Variants in KCNIP4 observed in about 807,000 individuals in gnomAD.
KCNIP4 encodes potassium voltage-gated channel interacting protein 4.
A neutral mutation model predicts 34.0 loss-of-function variants in KCNIP4; 12 were observed. The observed-to-expected ratio is 0.35, with a 90% CI of 0.23 to 0.57. The LOEUF is 0.57. Ranked by LOEUF, KCNIP4 falls within the 20% of genes least tolerant of loss-of-function variation. KCNIP4 has a pLI of 0.83. For synonymous variants in KCNIP4, 124 were observed against 102.2 expected (o/e 1.21, Z -1.29); for missense variants, 238 against 311.7 (o/e 0.76, Z 1.78).
chr4:21,304,087 C>CAGAGAGAG, intron 1 of KCNIP4: 2 of 124,722 alleles, frequency 1.6e-5, no homozygotes, highest in African/African-American at 9.4e-5. Context: ...GAGAGAGAGA[C>CAGAGAGAG]AGAGAGAGAG....
intron 1 of KCNIP4, among the ~76,000 whole-genome samples, chr4:21,669,474 T>C (rs1749296223): frequency 6.6e-6 from 1 of 152,226 alleles, no homozygotes; most frequent in Non-Finnish European, 1.5e-5. Context: ...ATGTAACATA[T>C]AAAATACATG....
Position 20,882,648 on chromosome 4 carries a change from C to T in KCNIP4, c.123G>A (p.Leu41=). Residue 41 remains leucine, a synonymous_variant, in exon 2 of 9, where the codon TTG becomes TTA. Coordinates refer to ENST00000382152, the MANE Select transcript of KCNIP4 (RefSeq NM_025221.6). ...RSIKERLMKL[L]PCSAAKTSSP... Reference sequence around the variant, plus strand: ...ACGACGTTTTGGCAGCTGAGCAGGGCAAGAGCTTCATGAGCCGCTCTTTAA... The same window carrying T: ...ACGACGTTTTGGCAGCTGAGCAGGGTAAGAGCTTCATGAGCCGCTCTTTAA... 6.2e-7 allele frequency: 1 copy of T among 1,613,238 alleles called. No homozygotes were observed. Among genetic ancestry groups the T allele is most frequent in the African/African-American group, 1.3e-5 (1 of 74,840 alleles).
At chr4:21,862,949 A>T (rs1725174581) in intron 1 of KCNIP4, among the ~76,000 whole-genome samples, 1 of 135,134 alleles carries the variant, frequency 7.4e-6, no homozygotes, top group South Asian at 2.8e-4. Flanking sequence ...TGACCGAGTG[A>T]GACTCCGTCT....
intron 1 of KCNIP4, chr4:21,849,812 A>C (rs1039388650): frequency 6.6e-6 from 1 of 152,090 alleles, no homozygotes; most frequent in African/African-American, 2.4e-5. Context: ...TACTAAATTA[A>C]TTACATATTA....
In KCNIP4 at chr4:21,012,999, A is replaced by G. The variant is rs1739195186; in HGVS notation, c.62-130290T>C. Among the ~76,000 whole-genome samples the G allele has an allele frequency of 2.6e-5, 4 of 152,228 alleles. No individual in the cohort carries two copies. The South Asian group carries it at 8.3e-4, about 32-fold the overall frequency. ...ATTTGGGGGTGGAATATTATGGCCA[A>G]AGGCAATGAGCACAGAGGAAACTTC... On this transcript the variant is annotated intron_variant, in intron 1 of 8. Coordinates refer to ENST00000382152, the MANE Select transcript of KCNIP4 (RefSeq NM_025221.6).
chr4:21,845,985 T>C (rs1723990721), intron 1 of KCNIP4: 1 of 152,146 alleles, frequency 6.6e-6, no homozygotes, highest in South Asian at 2.1e-4. Flanking sequence ...TTTTTTTGTC[T>C]GTTTTGTTTT....
intron 1 of KCNIP4, among the ~76,000 whole-genome samples, chr4:21,074,122 G>C (rs955763875): frequency 6.6e-6 from 1 of 152,098 alleles, no homozygotes; most frequent in Non-Finnish European, 1.5e-5. Context: ...TCTTTGCCAG[G>C]CTTTGGTATC....
At chr4:21,294,656 A>G (rs1217546639) in intron 1 of KCNIP4, among the ~76,000 whole-genome samples, 1 of 152,206 alleles carries the variant, frequency 6.6e-6, no homozygotes, top group African/African-American at 2.4e-5. Flanking sequence ...TCTATTATAG[A>G]TAATGTAATT....
chr4:21,252,092 T>A (rs1760745519), intron 1 of KCNIP4, among the ~76,000 whole-genome samples: 2 of 151,618 alleles, frequency 1.3e-5, no homozygotes, highest in African/African-American at 4.8e-5. Context: ...ACCTGAGGTA[T>A]GTTTAAGCAA....
rs16871115 is a variant in KCNIP4 at position 21,475,160 on chromosome 4, A to G, written c.61+473411T>C. 6.8e-3 allele frequency among the ~76,000 whole-genome samples: 1,042 copies of G among 152,270 alleles called. 49 individuals are homozygous for G. In the East Asian group the frequency reaches 0.12, roughly 17 times the overall value. ...TTTATTAGGAGTTTAACAGGCCAATATATTCTTTCTAAAATACTGTTAAAA... is the reference window on the plus strand; with the variant it reads ...TTTATTAGGAGTTTAACAGGCCAATGTATTCTTTCTAAAATACTGTTAAAA... On this transcript the variant is annotated intron_variant, in intron 1 of 8. Coordinates refer to ENST00000382152, the MANE Select transcript of KCNIP4 (RefSeq NM_025221.6).
At chr4:21,199,862 T>TA (rs1577875934) in intron 1 of KCNIP4, among the ~76,000 whole-genome samples, 1 of 151,158 alleles carries the variant, frequency 6.6e-6, no homozygotes, top group Non-Finnish European at 1.5e-5. Context: ...TATGCAGCCA[T>TA]AAAAAAGGAG....
intron 1 of KCNIP4, among the ~76,000 whole-genome samples, chr4:21,446,369 C>G (rs1727989011): frequency 6.6e-6 from 1 of 151,894 alleles, no homozygotes; most frequent in South Asian, 2.1e-4. Context: ...GACTTGGAAC[C>G]AACCCAAATG....
At chr4:20,758,361 G>A (rs945728167) in intron 4 of KCNIP4, among the ~76,000 whole-genome samples, 13 of 152,122 alleles carry the variant, frequency 8.5e-5, no homozygotes, top group South Asian at 2.1e-4. Context: ...GAAAATCTAG[G>A]TTATAACCCA....
At chr4:21,014,602 A>C (rs1739342852) in intron 1 of KCNIP4, among the ~76,000 whole-genome samples, 1 of 152,240 alleles carries the variant, frequency 6.6e-6, no homozygotes, top group Non-Finnish European at 1.5e-5. Context: ...CTGATATCAA[A>C]AATTGGAAAG....
intron 1 of KCNIP4, among the ~76,000 whole-genome samples, chr4:20,979,077 G>T (rs79509750): frequency 6.6e-6 from 1 of 152,022 alleles, no homozygotes; most frequent in African/African-American, 2.4e-5. Flanking sequence ...GTAAGATAGC[G>T]GATTAATCTA....
chr4:20,913,661 C>G (rs1728544735), intron 1 of KCNIP4, among the ~76,000 whole-genome samples: 1 of 152,180 alleles, frequency 6.6e-6, no homozygotes, highest in South Asian at 2.1e-4. Flanking sequence ...GCTCATAGTT[C>G]TAGGCGATTT....
chr4:20,924,555 G>C (rs1052694171), intron 1 of KCNIP4, among the ~76,000 whole-genome samples: 2 of 151,932 alleles, frequency 1.3e-5, no homozygotes, highest in Non-Finnish European at 2.9e-5. Context: ...CACAAGCCCG[G>C]AACATAGTCA....
chr4:21,813,883 TC>T (rs1410288462), intron 1 of KCNIP4, among the ~76,000 whole-genome samples: 1 of 152,156 alleles, frequency 6.6e-6, no homozygotes, highest in Non-Finnish European at 1.5e-5. Context: ...TTTGCCAGTT[TC>T]TGCATAAAGG....
At chr4:21,120,967 A>G (rs1056317451) in intron 1 of KCNIP4, among the ~76,000 whole-genome samples, 2 of 152,236 alleles carry the variant, frequency 1.3e-5, no homozygotes, top group Non-Finnish European at 2.9e-5. Context: ...AATTCAGCCC[A>G]TAACAGCTTG....
Sources: gnomAD v4.1 joint callset for allele counts (sites outside exome capture counted in the v4.1 genomes callset) on GRCh38, gnomAD v4.1.1 for gene constraint, MANE v1.5 for transcripts, NCBI Gene and HGNC (gene_info 2026-07-23, HGNC 2026-07-21) for gene names.